The following EPHA6 variants were observed in gnomAD, a reference collection of about 807,000 sequenced individuals.
EPHA6 encodes the protein EPH receptor A6.
In EPHA6, 50 loss-of-function variants were observed where a neutral mutation model predicts 112.0. The ratio of observed to expected loss-of-function variants is 0.45; its 90% CI spans 0.36 to 0.56. EPHA6 has a LOEUF of 0.56. EPHA6 is among the 20% of genes least tolerant of loss of function. EPHA6 has a pLI of 0.00. For missense variants in EPHA6, 1,280 were observed against 1,417.4 expected (o/e 0.90, Z 1.56); for synonymous variants, 529 against 490.7 (o/e 1.08, Z -1.03).
At chr3:96,896,973 A>C (rs2038305089) in intron 2 of EPHA6, among the ~76,000 whole-genome samples, 1 of 152,146 alleles carries the variant, frequency 6.6e-6, no homozygotes, top group African/African-American at 2.4e-5. Flanking sequence ...TTCAGGAAAA[A>C]TTGTTATGAA....
At chr3:97,475,759 TA>T (rs1474217674) in intron 8 of EPHA6, among the ~76,000 whole-genome samples, 1 of 152,114 alleles carries the variant, frequency 6.6e-6, no homozygotes, top group African/African-American at 2.4e-5. Context: ...ATAATTTTCT[TA>T]AAAAATATTT....
At chr3:96,994,945 G>A (rs1192342672) in intron 3 of EPHA6, among the ~76,000 whole-genome samples, 1 of 151,520 alleles carries the variant, frequency 6.6e-6, no homozygotes, top group Non-Finnish European at 1.5e-5. Context: ...GAAACACTAG[G>A]CATAATTAAA....
At chr3:96,981,403 C>G (rs2042769934) in intron 2 of EPHA6, among the ~76,000 whole-genome samples, 1 of 152,034 alleles carries the variant, frequency 6.6e-6, no homozygotes, top group Admixed American at 6.6e-5. Flanking sequence ...ATGAAGCCCA[C>G]TTGATCATGG....
intron 6 of EPHA6, among the ~76,000 whole-genome samples, chr3:97,430,141 T>G (rs2089416695): frequency 6.6e-6 from 1 of 152,188 alleles, no homozygotes. Context: ...ATATTCAAAC[T>G]GATGAAAAAA....
At chr3:97,677,238 C>T (rs1054909724) in intron 14 of EPHA6, among the ~76,000 whole-genome samples, 1 of 151,942 alleles carries the variant, frequency 6.6e-6, no homozygotes, top group Non-Finnish European at 1.5e-5. Flanking sequence ...AAAATACACA[C>T]CAGATTAACA....
intron 11 of EPHA6, among the ~76,000 whole-genome samples, chr3:97,587,100 G>A (rs1037226591): frequency 2.6e-5 from 4 of 152,008 alleles, no homozygotes; most frequent in Admixed American, 6.6e-5. Flanking sequence ...AAAATTAGCC[G>A]GACATGGCGG....
chr3:96,936,917 T>C (rs1377382273), intron 2 of EPHA6, among the ~76,000 whole-genome samples: 2 of 152,234 alleles, frequency 1.3e-5, no homozygotes, highest in East Asian at 1.9e-4. Context: ...CTTTCATCCA[T>C]GTCCCTACAA....
chr3:97,752,226 A>G lies in EPHA6; in HGVS notation c.*3525A>G. ...AACCTATCTCAGCCCATGAATGGAA[A>G]ACAAATCCAAATCCGATCCTTGAAA... On this transcript the variant is annotated 3_prime_UTR_variant, in exon 18 of 18. Coordinates refer to ENST00000389672, the MANE Select transcript of EPHA6 (RefSeq NM_001080448.3). 1 of 222,770 alleles carries G rather than the reference A, an allele frequency of 4.5e-6. No homozygotes were observed. The highest frequency in any genetic ancestry group is 5.7e-5 in the Admixed American group (1 of 17,438). 13.8% of individuals were successfully genotyped at this position (222,770 alleles called of 1,614,324 possible).
chr3:97,397,680 C>G (rs1217656295), intron 5 of EPHA6, among the ~76,000 whole-genome samples: 1 of 151,340 alleles, frequency 6.6e-6, no homozygotes, highest in Admixed American at 6.6e-5. Flanking sequence ...AAAAATTTAA[C>G]AAAATCAAAA....
rs115472133 is a variant in EPHA6 at position 97,522,172 on chromosome 3, A to C, written c.2201-10186A>C. 2.2e-3 allele frequency among the ~76,000 whole-genome samples: 338 copies of C among 152,202 alleles called. 1 individual carries two copies. The highest frequency in any genetic ancestry group is 7.8e-3 in the African/African-American group (326 of 41,536). ...AGTGATCCTCCCACCTCAGCCTCTCAATTAGCTAGGATTACAGGCATGAGA... is the reference window on the plus strand; with the variant it reads ...AGTGATCCTCCCACCTCAGCCTCTCCATTAGCTAGGATTACAGGCATGAGA... On this transcript the variant is annotated intron_variant, in intron 10 of 17. Transcript: ENST00000389672.
intron 2 of EPHA6, among the ~76,000 whole-genome samples, chr3:96,960,042 C>G (rs564471654): frequency 2.8e-4 from 42 of 152,110 alleles, no homozygotes; most frequent in Non-Finnish European, 5.3e-4. Flanking sequence ...ACCATAAACA[C>G]ACCCTGAGAA....
At chr3:96,867,724 T>G (rs1321643552) in intron 2 of EPHA6, among the ~76,000 whole-genome samples, 1 of 151,874 alleles carries the variant, frequency 6.6e-6, no homozygotes, top group African/African-American at 2.4e-5. Context: ...TCACATTGCT[T>G]CTTCTATTAT....
At chr3:97,027,356 G>T (rs891798053) in intron 3 of EPHA6, among the ~76,000 whole-genome samples, 7 of 151,932 alleles carry the variant, frequency 4.6e-5, no homozygotes, top group African/African-American at 1.7e-4. Context: ...TTAATACCTC[G>T]GTGATGAAAT....
intron 11 of EPHA6, among the ~76,000 whole-genome samples, chr3:97,544,416 C>T (rs990734688): frequency 9.9e-4 from 151 of 152,292 alleles, no homozygotes; most frequent in African/African-American, 3.4e-3. Context: ...GTATGTTGAA[C>T]CAGCCTTGCA....
chr3:97,217,146 T>C (rs1007352428), intron 3 of EPHA6, among the ~76,000 whole-genome samples: 4 of 152,164 alleles, frequency 2.6e-5, no homozygotes, highest in African/African-American at 9.7e-5. Context: ...AACTCCTTAA[T>C]GCACTATTAA....
chr3:97,648,696 G>C, intron 14 of EPHA6: 1 of 997,520 alleles, frequency 1.0e-6, no homozygotes, highest in Non-Finnish European at 1.2e-6. Flanking sequence ...AAATTAAAGA[G>C]TTGGTGTAAA....
intron 3 of EPHA6, among the ~76,000 whole-genome samples, chr3:97,218,512 G>T (rs1329327448): frequency 6.6e-6 from 1 of 152,082 alleles, no homozygotes. Context: ...AGTAGGAAGA[G>T]CCCCTTATAA....
At chr3:97,207,453 T>C (rs181758361) in intron 3 of EPHA6, among the ~76,000 whole-genome samples, 70 of 152,292 alleles carry the variant, frequency 4.6e-4, no homozygotes, top group Admixed American at 2.2e-3. Context: ...GCACATGTGA[T>C]ATGCAACAGG....
At chr3:96,850,309 G>C (rs901048693) in intron 1 of EPHA6, among the ~76,000 whole-genome samples, 2 of 152,054 alleles carry the variant, frequency 1.3e-5, no homozygotes, top group Admixed American at 6.6e-5. Context: ...TCAGAAGCTG[G>C]ACTGCACCAG....
Sources: gnomAD v4.1 joint callset for allele counts (sites outside exome capture counted in the v4.1 genomes callset) on GRCh38, gnomAD v4.1.1 for gene constraint, MANE v1.5 for transcripts, NCBI Gene and HGNC (gene_info 2026-07-23, HGNC 2026-07-21) for gene names.